The following POU6F2 variants were observed in gnomAD, a reference collection of about 807,000 sequenced individuals.
The protein encoded by POU6F2 is POU class 6 homeobox 2, also known as POU domain, class 6, transcription factor 2.
Under a neutral mutation model 71.3 loss-of-function variants are expected in POU6F2, and 31 were observed. The observed-to-expected ratio is 0.43, with a 90% CI of 0.33 to 0.59. POU6F2 has a LOEUF of 0.59. Among genes scored for constraint, POU6F2 ranks in the 20% least tolerant of loss-of-function variants. POU6F2 has a pLI of 0.04. For missense variants in POU6F2, 783 were observed against 856.8 expected (o/e 0.91, Z 1.07); for synonymous variants, 347 against 355.7 (o/e 0.98, Z 0.27).
At chr7:39,293,642 C>T (rs949071071) in intron 4 of POU6F2, among the ~76,000 whole-genome samples, 2 of 152,024 alleles carry the variant, frequency 1.3e-5, no homozygotes, top group Non-Finnish European at 2.9e-5. Context: ...GTGTGAACCC[C>T]GGTGACAAGG....
chr7:39,250,834 T>G (rs1458816541), intron 4 of POU6F2, among the ~76,000 whole-genome samples: 1 of 152,210 alleles, frequency 6.6e-6, no homozygotes, highest in Non-Finnish European at 1.5e-5. Context: ...AAATCCCTGT[T>G]GGCCAGATAG....
chr7:39,145,893 A>C (rs1200885215), intron 2 of POU6F2, among the ~76,000 whole-genome samples: 4 of 152,206 alleles, frequency 2.6e-5, no homozygotes, highest in Non-Finnish European at 5.9e-5. Context: ...GCTTACCTGC[A>C]CAGAGATCAC....
chr7:39,416,119 C>CGCAA (rs1554352038), intron 6 of POU6F2, among the ~76,000 whole-genome samples: 1 of 151,828 alleles, frequency 6.6e-6, no homozygotes, highest in Admixed American at 6.6e-5. Flanking sequence ...CACACACACA[C>CGCAA]ACACACACAC....
chr7:39,071,686 C>T (rs1035233860), intron 1 of POU6F2, among the ~76,000 whole-genome samples: 78 of 122,134 alleles, frequency 6.4e-4, no homozygotes, highest in African/African-American at 2.1e-3. Context: ...CACACACACA[C>T]ACACACACAC....
At chr7:39,394,942 C>G (rs1787143430) in intron 5 of POU6F2, among the ~76,000 whole-genome samples, 1 of 152,198 alleles carries the variant, frequency 6.6e-6, no homozygotes, top group Non-Finnish European at 1.5e-5. Flanking sequence ...ACCTGACACA[C>G]AGTCGATGCT....
chr7:39,094,188 A>G (rs1036619786), intron 2 of POU6F2, among the ~76,000 whole-genome samples: 2 of 152,068 alleles, frequency 1.3e-5, no homozygotes, highest in African/African-American at 4.8e-5. Context: ...CGATGCTGCT[A>G]TTTACTGAGC....
At chr7:39,204,192 G>A (rs1423143247) in intron 2 of POU6F2, 43 bp from the exon 3 acceptor site, 1 of 1,540,974 alleles carries the variant, frequency 6.5e-7, no homozygotes, top group Admixed American at 1.7e-5. Context: ...CAGTTCCCAA[G>A]CTGGATCATA....
chr7:39,267,640 A>G (rs73695236), intron 4 of POU6F2, among the ~76,000 whole-genome samples: 2 of 148,728 alleles, frequency 1.3e-5, no homozygotes, highest in African/African-American at 4.9e-5. Flanking sequence ...TATTTTATTT[A>G]TTTTTTTTTT....
At chr7:39,216,695 G>T (rs1264676650) in intron 4 of POU6F2, among the ~76,000 whole-genome samples, 1 of 152,142 alleles carries the variant, frequency 6.6e-6, no homozygotes, top group Non-Finnish European at 1.5e-5. Context: ...GAAAATATAA[G>T]TGAATGCTCT....
At chr7:39,445,059 C>A (rs1788492277) in intron 7 of POU6F2, among the ~76,000 whole-genome samples, 1 of 152,176 alleles carries the variant, frequency 6.6e-6, no homozygotes, top group Admixed American at 6.5e-5. Flanking sequence ...AATCTTGGTA[C>A]TAACAGAAAA....
At chr7:39,125,838 T>C (rs543226841) in intron 2 of POU6F2, among the ~76,000 whole-genome samples, 1 of 152,334 alleles carries the variant, frequency 6.6e-6, no homozygotes, top group Non-Finnish European at 1.5e-5. Context: ...CCACAGGAGC[T>C]GGACCTAAAT....
In POU6F2 at chr7:39,466,229, G is replaced by A. The variant is rs1342468469; in HGVS notation, c.*1543G>A. 1 of 152,082 alleles carries A rather than the reference G, an allele frequency of 6.6e-6. No homozygotes were observed. The highest frequency in any genetic ancestry group is 1.5e-5 in the Non-Finnish European group (1 of 68,022). The allele number at this position is 152,082 out of a possible 1,614,324, so 9.4% of individuals were successfully genotyped here. A position where few individuals can be genotyped will look rare whatever the true frequency, so the allele number is the denominator to read the frequency against. ...TCACCAAAAGAAAAAAATATAGAAGGGGCTTATCTAACAATCAGAATAGCC... is the reference window on the plus strand; with the variant it reads ...TCACCAAAAGAAAAAAATATAGAAGAGGCTTATCTAACAATCAGAATAGCC... On this transcript the variant is annotated 3_prime_UTR_variant, in exon 10 of 10. Transcript: ENST00000518318.
chr7:39,363,827 C>T (rs1485942297), intron 5 of POU6F2, among the ~76,000 whole-genome samples: 1 of 151,982 alleles, frequency 6.6e-6, no homozygotes, highest in African/African-American at 2.4e-5. Flanking sequence ...GTGACCTTGA[C>T]AAGAGCTTCA....
intron 2 of POU6F2, among the ~76,000 whole-genome samples, chr7:39,104,509 CA>C (rs1268759996): frequency 6.6e-6 from 1 of 152,122 alleles, no homozygotes; most frequent in African/African-American, 2.4e-5. Context: ...GGATTCTTCA[CA>C]ATATGGTGGC....
At chr7:39,197,641 G>A (rs570072845) in intron 2 of POU6F2, among the ~76,000 whole-genome samples, 1 of 152,346 alleles carries the variant, frequency 6.6e-6, no homozygotes, top group Admixed American at 6.5e-5. Context: ...CAATGACCTT[G>A]TCAGAGCAAG....
intron 6 of POU6F2, among the ~76,000 whole-genome samples, chr7:39,431,178 T>G (rs996667284): frequency 2.0e-5 from 3 of 152,192 alleles, no homozygotes; most frequent in Admixed American, 1.3e-4. Context: ...CCACACTCCC[T>G]AGGGGACAGC....
At position 39,184,758 on chromosome 7, in the gene POU6F2, A is replaced by G. The variant is rs529544461; in HGVS notation, c.278-19477A>G. 9.0e-4 allele frequency among the ~76,000 whole-genome samples: 137 copies of G among 152,316 alleles called. 1 individual carries two copies. Among genetic ancestry groups the G allele is most frequent in the African/African-American group, 3.0e-3 (123 of 41,576 alleles). ...TTACATAAATATATGTGAAATATGA[A>G]ACACACCAAATGGGTGGGAGATTTA... is the stretch of plus-strand genomic sequence containing the variant. On this transcript the variant is annotated intron_variant, in intron 2 of 9. Coordinates refer to ENST00000518318, the MANE Select transcript of POU6F2 (RefSeq NM_001370959.1).
chr7:39,149,220 G>A (rs1792690262), intron 2 of POU6F2, among the ~76,000 whole-genome samples: 1 of 152,154 alleles, frequency 6.6e-6, no homozygotes, highest in Non-Finnish European at 1.5e-5. Context: ...TAGACAAGAT[G>A]TGGACTTTGC....
chr7:39,189,956 C>T lies in POU6F2; in HGVS notation c.278-14279C>T, dbSNP rs189672661. On this transcript the variant is annotated intron_variant, in intron 2 of 9. Coordinates refer to ENST00000518318, the MANE Select transcript of POU6F2 (RefSeq NM_001370959.1). ...TCACCCAGGCTGGAGTGCAGTGGCT[C>T]GATCATAGCTCACCAAAGCCCCGAC... 5.3e-4 allele frequency among the ~76,000 whole-genome samples: 81 copies of T among 151,476 alleles called. No individual in the cohort carries two copies. In the East Asian group the frequency reaches 0.015, roughly 27 times the overall value.
Sources: allele counts gnomAD v4.1 joint callset (sites outside exome capture counted in the v4.1 genomes callset), GRCh38; gene constraint gnomAD v4.1.1; transcripts MANE v1.5; gene names NCBI Gene and HGNC (gene_info 2026-07-23, HGNC 2026-07-21).